KCNIP4: variants seen among roughly 807,000 people sequenced by gnomAD.
KCNIP4 encodes the protein potassium voltage-gated channel interacting protein 4.
KCNIP4 carries 12 observed loss-of-function variants against 34.0 expected under a neutral mutation model. That is an observed-to-expected ratio of 0.35 (90% CI 0.23 to 0.57). The LOEUF is 0.57. Ranked by LOEUF, KCNIP4 falls within the 20% of genes least tolerant of loss-of-function variation. The pLI is 0.83. For missense variants in KCNIP4, 238 were observed against 311.7 expected, an observed-to-expected ratio of 0.76 and a Z score of 1.78; for synonymous variants, 124 against 102.2, an observed-to-expected ratio of 1.21 and a Z score of -1.29.
At chr4:21,447,759 C>T (rs866113141) in intron 1 of KCNIP4, among the ~76,000 whole-genome samples, 32 of 152,068 alleles carry the variant, frequency 2.1e-4, no homozygotes, top group African/African-American at 7.5e-4. Context: ...ATGTTGTACT[C>T]ACCCTTTTTT....
At chr4:20,945,004 A>G (rs1159110885) in intron 1 of KCNIP4, among the ~76,000 whole-genome samples, 2 of 152,186 alleles carry the variant, frequency 1.3e-5, no homozygotes. Flanking sequence ...TCAGAACTGC[A>G]GTTCAGAAGA....
chr4:21,457,782 G>T (rs1729089291), intron 1 of KCNIP4, among the ~76,000 whole-genome samples: 1 of 152,068 alleles, frequency 6.6e-6, no homozygotes, highest in Non-Finnish European at 1.5e-5. Context: ...ATATAGGACT[G>T]CTGGGAATGT....
chr4:21,822,578 T>A (rs946600128), intron 1 of KCNIP4, among the ~76,000 whole-genome samples: 2 of 152,180 alleles, frequency 1.3e-5, no homozygotes, highest in Non-Finnish European at 2.9e-5. Context: ...GTAGTTTACA[T>A]GGGATTACAA....
chr4:21,471,763 C>G (rs1389705291), intron 1 of KCNIP4, among the ~76,000 whole-genome samples: 1 of 152,098 alleles, frequency 6.6e-6, no homozygotes, highest in Non-Finnish European at 1.5e-5. Context: ...CAGCTATGGG[C>G]AAGATTCAAA....
chr4:21,174,309 G>T (rs1754237934), intron 1 of KCNIP4, among the ~76,000 whole-genome samples: 1 of 152,166 alleles, frequency 6.6e-6, no homozygotes, highest in Non-Finnish European at 1.5e-5. Context: ...TAAAAACAAG[G>T]GTTTGGTTGT....
chr4:20,933,602 G>C (rs1412510937), intron 1 of KCNIP4, among the ~76,000 whole-genome samples: 1 of 152,074 alleles, frequency 6.6e-6, no homozygotes. Flanking sequence ...CAATTTCAAA[G>C]TAAAATCTGG....
chr4:21,743,356 G>C (rs1716549330), intron 1 of KCNIP4, among the ~76,000 whole-genome samples: 1 of 150,932 alleles, frequency 6.6e-6, no homozygotes, highest in African/African-American at 2.4e-5. Context: ...AGCAATGTCT[G>C]GTATAGTCTT....
intron 1 of KCNIP4, among the ~76,000 whole-genome samples, chr4:20,934,672 T>A (rs1384847452): frequency 6.6e-6 from 1 of 152,192 alleles, no homozygotes; most frequent in Non-Finnish European, 1.5e-5. Flanking sequence ...ATCATGGAGC[T>A]TAAGTTCTAG....
intron 1 of KCNIP4, among the ~76,000 whole-genome samples, chr4:21,058,853 T>C (rs1304574606): frequency 1.3e-5 from 2 of 152,098 alleles, no homozygotes; most frequent in Non-Finnish European, 2.9e-5. Flanking sequence ...CTGATTCTTC[T>C]GATTAAAAAT....
At chr4:21,054,293 C>T (rs370093656) in intron 1 of KCNIP4, among the ~76,000 whole-genome samples, 33 of 151,772 alleles carry the variant, frequency 2.2e-4, no homozygotes, top group African/African-American at 5.6e-4. Context: ...CTGAGGTGGG[C>T]GGATCACTTG....
intron 1 of KCNIP4, among the ~76,000 whole-genome samples, chr4:21,772,632 T>C (rs1055205774): frequency 6.6e-6 from 1 of 152,180 alleles, no homozygotes; most frequent in Non-Finnish European, 1.5e-5. Flanking sequence ...ATTCAACTGC[T>C]TCCTGGTTTA....
intron 1 of KCNIP4, among the ~76,000 whole-genome samples, chr4:21,821,074 A>G (rs1722325814): frequency 6.6e-6 from 1 of 152,156 alleles, no homozygotes; most frequent in African/African-American, 2.4e-5. Flanking sequence ...TACATCTCCT[A>G]ATAATAAAAT....
At chr4:21,541,180 C>CAAAAAAAAAAAAAAAAAAAAA (rs60459395) in intron 1 of KCNIP4, among the ~76,000 whole-genome samples, 2 of 107,492 alleles carry the variant, frequency 1.9e-5, no homozygotes, top group Non-Finnish European at 3.8e-5. Context: ...CAAAAGAAAA[C>CAAAAAAAAAAAAAAAAAAAAA]AAAAAAAAAA....
At chr4:21,891,164 G>A (rs569842146) in intron 1 of KCNIP4, among the ~76,000 whole-genome samples, 3 of 152,146 alleles carry the variant, frequency 2.0e-5, no homozygotes, top group South Asian at 2.1e-4. Context: ...TCATAGATAA[G>A]GAATGAATAC....
intron 1 of KCNIP4, among the ~76,000 whole-genome samples, chr4:21,578,186 T>A (rs1243010997): frequency 2.0e-5 from 3 of 151,800 alleles, no homozygotes; most frequent in Non-Finnish European, 4.4e-5. Flanking sequence ...ATACAAAAAT[T>A]AGCCGGGCGT....
chr4:20,814,365 T>C (rs181893142), intron 3 of KCNIP4, among the ~76,000 whole-genome samples: 90 of 152,168 alleles, frequency 5.9e-4, no homozygotes, highest in African/African-American at 1.9e-3. Context: ...GGATGTGGGG[T>C]TCTTAAGTGA....
At chr4:21,873,990 C>T (rs915410963) in intron 1 of KCNIP4, among the ~76,000 whole-genome samples, 2 of 152,176 alleles carry the variant, frequency 1.3e-5, no homozygotes, top group African/African-American at 2.4e-5. Flanking sequence ...AATTTGCTTG[C>T]TCTCTCTACA....
intron 1 of KCNIP4, among the ~76,000 whole-genome samples, chr4:21,431,039 A>G (rs1726397016): frequency 6.6e-6 from 1 of 152,124 alleles, no homozygotes; most frequent in African/African-American, 2.4e-5. Context: ...TCTTACCAGA[A>G]CTATTTCATT....
At chr4:21,128,680 G>A (rs1750815727) in intron 1 of KCNIP4, among the ~76,000 whole-genome samples, 1 of 152,238 alleles carries the variant, frequency 6.6e-6, no homozygotes, top group East Asian at 1.9e-4. Context: ...TACTTTCTTG[G>A]GAGCAAAAGA....
Sources: gnomAD v4.1 joint callset for allele counts (sites outside exome capture counted in the v4.1 genomes callset) on GRCh38, gnomAD v4.1.1 for gene constraint, MANE v1.5 for transcripts, NCBI Gene and HGNC (gene_info 2026-07-23, HGNC 2026-07-21) for gene names.